CRTAM: variants seen among roughly 807,000 people sequenced by gnomAD.
The protein encoded by CRTAM is cytotoxic and regulatory T cell molecule.
In CRTAM, 44 loss-of-function variants were observed where a neutral mutation model predicts 50.0. That is an observed-to-expected ratio of 0.88 (90% confidence interval 0.69 to 1.13). The LOEUF (loss-of-function observed/expected upper bound fraction) is 1.13. Ranked by LOEUF, CRTAM falls within the 50% of genes most tolerant of loss-of-function variation. The pLI is 0.00. For missense variants in CRTAM, 448 were observed against 457.5 expected (o/e 0.98, Z 0.19); for synonymous variants, 159 against 169.3 (o/e 0.94, Z 0.47).
intron 1 of CRTAM, 35 bp from the exon 2 acceptor site, chr11:122,850,033 C>A (rs1432920298): frequency 3.9e-6 from 6 of 1,550,976 alleles, no homozygotes; most frequent in Non-Finnish European, 5.3e-6. Context: ...CTGTGGACCC[C>A]CGGCCTGATC....
chr11:122,843,885 G>C (rs1056553117), intron 1 of CRTAM, among the ~76,000 whole-genome samples: 4 of 152,198 alleles, frequency 2.6e-5, no homozygotes, highest in African/African-American at 9.7e-5. Flanking sequence ...TCTAAGCAAA[G>C]CTGGGTGGGT....
In CRTAM at chr11:122,854,032, A is replaced by C. The variant is rs1247329097; in HGVS notation, c.436A>C (p.Ser146Arg). ...HVVLMCSTMRSKPPPQITWLL... is the reference protein window; with the variant it reads ...HVVLMCSTMRRKPPPQITWLL... The stretch of plus-strand genomic sequence containing the variant: ...TGTACTCATGTGCTCCACCATGAGA[A>C]GCAAGCCCCCTCCGCAGATAACCTG... The change falls in exon 4 of 10, where the codon AGC (serine) becomes CGC (arginine). Residue 146 changes from serine to arginine, a missense_variant. By Grantham distance (110) the Ser-to-Arg change is moderately radical. Transcript: ENST00000227348. 1.9e-6 allele frequency: 3 copies of C among 1,614,064 alleles called. No homozygotes were observed. The highest frequency in any genetic ancestry group is 2.5e-6 in the Non-Finnish European group (3 of 1,180,032).
At chr11:122,865,730 C>T (rs1455464505) in intron 7 of CRTAM, among the ~76,000 whole-genome samples, 1 of 152,200 alleles carries the variant, frequency 6.6e-6, no homozygotes, top group Non-Finnish European at 1.5e-5. Flanking sequence ...CACCTTCTCC[C>T]ACAAAATCAG....
chr11:122,853,207 A>G (rs111999233), intron 3 of CRTAM, among the ~76,000 whole-genome samples: 173 of 151,866 alleles, frequency 1.1e-3, no homozygotes, highest in African/African-American at 4.1e-3. Flanking sequence ...AGCTGGGACT[A>G]CAGGCGTGCA....
At position 122,867,550 on chromosome 11, in the gene CRTAM, A is replaced by C; in HGVS notation, c.959A>C (p.Lys320Thr). The change falls in exon 8 of 10, where the codon AAG becomes ACG. Residue 320 changes from lysine to threonine, a missense_variant. Lys to Thr is a moderately conservative substitution (Grantham distance 78). Transcript: ENST00000227348. ...CTGAGGAAAGCACATGTGATATGGA[A>C]GAAAGGTCAGTGGGCAGGGAACCTG... ...MKLRKAHVIWKKENEVSEHTL... is the reference protein window; with the variant it reads ...MKLRKAHVIWTKENEVSEHTL... 1 of 1,613,450 alleles carries C rather than the reference A, an allele frequency of 6.2e-7. No homozygotes were observed. The highest frequency in any genetic ancestry group is 8.5e-7 in the Non-Finnish European group (1 of 1,179,648).
At chr11:122,846,686 G>A (rs1459092076) in intron 1 of CRTAM, among the ~76,000 whole-genome samples, 3 of 152,122 alleles carry the variant, frequency 2.0e-5, no homozygotes, top group Non-Finnish European at 2.9e-5. Flanking sequence ...ACCATGAACT[G>A]AGTGGTATGA....
At chr11:122,869,738 T>C (rs1862230580) in intron 9 of CRTAM, among the ~76,000 whole-genome samples, 1 of 152,226 alleles carries the variant, frequency 6.6e-6, no homozygotes, top group Non-Finnish European at 1.5e-5. Context: ...ATAACACCTC[T>C]GCCTCTTTAG....
At chr11:122,867,852 C>G (rs780004208) in intron 8 of CRTAM, among the ~76,000 whole-genome samples, 161 bp from the exon 9 acceptor site, 1 of 152,164 alleles carries the variant, frequency 6.6e-6, no homozygotes, top group Non-Finnish European at 1.5e-5. Flanking sequence ...ACAGTCCCTA[C>G]AGGAATCAAA....
At chr11:122,859,916 A>G (rs1862051192) in intron 5 of CRTAM, among the ~76,000 whole-genome samples, 2 of 148,844 alleles carry the variant, frequency 1.3e-5, no homozygotes, top group Non-Finnish European at 3.0e-5. Context: ...ATATTTCAGC[A>G]TCAAAATCAC....
rs575013421 is a variant in CRTAM at position 122,871,710 on chromosome 11, T to A, written c.*311T>A. The A allele has an allele frequency of 5.6e-6, 1 of 179,860 alleles. No individual in the cohort carries two copies. The highest frequency in any genetic ancestry group is 2.3e-5 in the African/African-American group (1 of 42,732). The allele number at this position is 179,860 out of a possible 1,614,324, so 11.1% of individuals were successfully genotyped here. ...TGAGCAGCTAACATCCTACCTCAAA[T>A]GGAACAGGATTTTTTGATGCTTTGC... On this transcript the variant is annotated 3_prime_UTR_variant, in exon 10 of 10. Coordinates refer to ENST00000227348, the MANE Select transcript of CRTAM (RefSeq NM_019604.4).
intron 1 of CRTAM, among the ~76,000 whole-genome samples, chr11:122,849,097 C>T (rs1490846219): frequency 2.0e-5 from 3 of 152,230 alleles, no homozygotes; most frequent in African/African-American, 7.2e-5. Context: ...CATCCTCCCT[C>T]TGGTGTAGAA....
intron 4 of CRTAM, among the ~76,000 whole-genome samples, chr11:122,855,488 G>A (rs569556572): frequency 6.6e-6 from 1 of 152,092 alleles, no homozygotes; most frequent in East Asian, 1.9e-4. Context: ...TTTTCCAGTA[G>A]TGAAAAGTTT....
intron 1 of CRTAM, among the ~76,000 whole-genome samples, chr11:122,848,283 A>T (rs1307757216): frequency 2.6e-5 from 4 of 152,256 alleles, no homozygotes; most frequent in African/African-American, 9.6e-5. Flanking sequence ...AATCTTTATT[A>T]TCAGCAAAAA....
intron 1 of CRTAM, among the ~76,000 whole-genome samples, chr11:122,843,156 T>C (rs776708070): frequency 5.3e-5 from 8 of 152,222 alleles, no homozygotes; most frequent in Non-Finnish European, 8.8e-5. Flanking sequence ...TGGCTGTTAC[T>C]GCTGCTTGTC....
intron 7 of CRTAM, 66 bp from the exon 8 acceptor site, chr11:122,867,342 AT>A: frequency 7.5e-7 from 1 of 1,340,706 alleles, no homozygotes; most frequent in Non-Finnish European, 1.0e-6. Flanking sequence ...ATTGTTACAT[AT>A]TCTCCAGTGG....
At chr11:122,869,910 G>A (rs563212966) in intron 9 of CRTAM, among the ~76,000 whole-genome samples, 8 of 152,194 alleles carry the variant, frequency 5.3e-5, no homozygotes, top group Non-Finnish European at 7.4e-5. Context: ...CTAAATACCC[G>A]TCATCACATA....
intron 1 of CRTAM, among the ~76,000 whole-genome samples, chr11:122,844,812 G>T (rs147986755): frequency 2.8e-4 from 42 of 152,340 alleles, no homozygotes; most frequent in African/African-American, 9.4e-4. Context: ...TGGCTCAAAA[G>T]CTGCTTAACC....
At chr11:122,845,617 G>C (rs1401609895) in intron 1 of CRTAM, among the ~76,000 whole-genome samples, 2 of 152,122 alleles carry the variant, frequency 1.3e-5, no homozygotes, top group African/African-American at 4.8e-5. Context: ...TGAGGTAGGA[G>C]AATTGCTTGC....
intron 5 of CRTAM, among the ~76,000 whole-genome samples, chr11:122,859,075 A>G (rs1862040255): frequency 6.6e-6 from 1 of 152,218 alleles, no homozygotes; most frequent in South Asian, 2.1e-4. Flanking sequence ...ATTTTAAAAT[A>G]ATAAATCTGC....
Sources: gnomAD v4.1 joint callset for allele counts (sites outside exome capture counted in the v4.1 genomes callset) on GRCh38, gnomAD v4.1.1 for gene constraint, MANE v1.5 for transcripts, NCBI Gene and HGNC (gene_info 2026-07-23, HGNC 2026-07-21) for gene names.